Variants in ACOXL observed in about 807,000 individuals in gnomAD.
The protein encoded by ACOXL is acyl-coenzyme A oxidase-like protein.
A neutral mutation model predicts 71.9 loss-of-function variants in ACOXL; 70 were observed. The ratio of observed to expected loss-of-function variants is 0.97; its 90% CI spans 0.80 to 1.19. ACOXL has a LOEUF of 1.19. ACOXL is among the 50% of genes most tolerant of loss of function. ACOXL has a pLI of 0.00. For missense variants in ACOXL, 703 were observed against 736.3 expected, an observed-to-expected ratio of 0.95 and a Z score of 0.52; for synonymous variants, 253 against 281.6, an observed-to-expected ratio of 0.90 and a Z score of 1.02.
chr2:110,962,554 A>G (rs1391711146), intron 12 of ACOXL, among the ~76,000 whole-genome samples: 1 of 152,202 alleles, frequency 6.6e-6, no homozygotes, highest in Non-Finnish European at 1.5e-5. Flanking sequence ...GGTTCTCCCC[A>G]CAGGAGCAGG....
chr2:110,860,241 G>C (rs1388396519), intron 10 of ACOXL, among the ~76,000 whole-genome samples: 1 of 152,122 alleles, frequency 6.6e-6, no homozygotes, highest in Admixed American at 6.5e-5. Context: ...CTCCCAAGTA[G>C]CTGGGACTAC....
intron 9 of ACOXL, among the ~76,000 whole-genome samples, chr2:110,817,605 A>G (rs62162653): frequency 9.2e-5 from 14 of 152,094 alleles, no homozygotes; most frequent in Non-Finnish European, 8.8e-5. Context: ...CAAGGATTTG[A>G]GCTGTCTCTA....
chr2:110,787,036 C>G (rs1007971034), intron 3 of ACOXL, among the ~76,000 whole-genome samples: 1 of 148,976 alleles, frequency 6.7e-6, no homozygotes. Flanking sequence ...GGATAAACAT[C>G]AAGATAACCT....
chr2:110,866,517 G>A (rs1213595254), intron 10 of ACOXL, among the ~76,000 whole-genome samples: 1 of 152,106 alleles, frequency 6.6e-6, no homozygotes, highest in Non-Finnish European at 1.5e-5. Context: ...ATCAATATTT[G>A]AATCAGGAAG....
intron 12 of ACOXL, among the ~76,000 whole-genome samples, chr2:110,960,077 CT>C (rs1286110418): frequency 3.3e-5 from 5 of 152,228 alleles, no homozygotes; most frequent in Non-Finnish European, 7.4e-5. Flanking sequence ...GTAGGGACAC[CT>C]TTCTTGCAGT....
chr2:111,033,289 A>G (rs2065358498), intron 15 of ACOXL, among the ~76,000 whole-genome samples: 1 of 152,168 alleles, frequency 6.6e-6, no homozygotes, highest in African/African-American at 2.4e-5. Context: ...TGTATTGCCC[A>G]CCCACAGTGT....
intron 10 of ACOXL, among the ~76,000 whole-genome samples, chr2:110,880,083 T>G (rs1573964136): frequency 6.8e-6 from 1 of 147,360 alleles, no homozygotes; most frequent in Non-Finnish European, 1.5e-5. Flanking sequence ...GAGGTGGAGG[T>G]TGCAGTGACC....
intron 2 of ACOXL, among the ~76,000 whole-genome samples, chr2:110,770,786 C>T (rs1681807389): frequency 6.6e-6 from 1 of 152,216 alleles, no homozygotes; most frequent in Non-Finnish European, 1.5e-5. Flanking sequence ...GGCCTGTGGC[C>T]AGCTTCTTGC....
chr2:110,967,387 G>A (rs956722754), intron 12 of ACOXL, among the ~76,000 whole-genome samples: 4 of 152,120 alleles, frequency 2.6e-5, no homozygotes, highest in South Asian at 2.1e-4. Flanking sequence ...CAGATCAGTG[G>A]AGCAATAACA....
Position 110,787,533 on chromosome 2 carries a change from CAAAAAAAAAAAAAAA to C in ACOXL, c.159+2723_159+2737del, listed in dbSNP as rs1175271772. Among the ~76,000 whole-genome samples, 10 of 53,628 alleles carry C rather than the reference CAAAAAAAAAAAAAAA, an allele frequency of 1.9e-4. No individual in the cohort carries two copies. In the South Asian group the frequency reaches 6.4e-3, roughly 34 times the overall value. The allele number at this position is 53,628 out of a possible 152,430, so 35.2% of individuals were successfully genotyped here. ...TGGGTGACAGAGCAAGACTCCGTCT[CAAAAAAAAAAAAAAA>C]AAAAGAAAAAGAAAAAAAAGAAATA... is the stretch of plus-strand genomic sequence containing the variant. On this transcript the variant is annotated intron_variant, in intron 3 of 17. Transcript: ENST00000439055.
At chr2:110,868,471 A>G (rs1257902358) in intron 10 of ACOXL, among the ~76,000 whole-genome samples, 4 of 152,218 alleles carry the variant, frequency 2.6e-5, no homozygotes, top group African/African-American at 9.6e-5. Flanking sequence ...GCTCTTCTCT[A>G]TCGACCCACG....
chr2:110,943,532 G>C (rs1028201528), intron 12 of ACOXL, among the ~76,000 whole-genome samples: 2 of 152,176 alleles, frequency 1.3e-5, no homozygotes, highest in South Asian at 2.1e-4. Context: ...TCCCCAAGCA[G>C]GGTAAGTTCA....
At chr2:111,101,656 GAA>G (rs528603046) in intron 17 of ACOXL, among the ~76,000 whole-genome samples, 7 of 138,778 alleles carry the variant, frequency 5.0e-5, no homozygotes, top group African/African-American at 1.6e-4. Flanking sequence ...GAATTTGAGG[GAA>G]AAAAAAAAAA....
chr2:110,812,782 C>T (rs568567622), intron 9 of ACOXL, among the ~76,000 whole-genome samples: 36 of 152,330 alleles, frequency 2.4e-4, no homozygotes, highest in Admixed American at 3.9e-4. Flanking sequence ...TCCACGAAGA[C>T]GTGTTGTACG....
intron 11 of ACOXL, among the ~76,000 whole-genome samples, chr2:110,918,499 G>C (rs574789306): frequency 2.0e-5 from 3 of 152,006 alleles, no homozygotes; most frequent in Non-Finnish European, 4.4e-5. Context: ...ACAGGCAAAG[G>C]CTTCATGACT....
intron 12 of ACOXL, chr2:110,968,032 G>A: frequency 1.9e-6 from 2 of 1,079,214 alleles, no homozygotes; most frequent in Non-Finnish European, 2.8e-6. Flanking sequence ...GATTGCTTAT[G>A]CCCGTATAGA....
At chr2:110,773,452 A>T (rs1263859218) in intron 2 of ACOXL, among the ~76,000 whole-genome samples, 1 of 152,178 alleles carries the variant, frequency 6.6e-6, no homozygotes, top group Non-Finnish European at 1.5e-5. Context: ...AGAGGCTGAG[A>T]TGTCTGTCCT....
chr2:110,972,841 G>A (rs1299871897), intron 12 of ACOXL, among the ~76,000 whole-genome samples: 1 of 152,202 alleles, frequency 6.6e-6, no homozygotes, highest in Non-Finnish European at 1.5e-5. Flanking sequence ...GGGAAGCTCA[G>A]CAGAGACTCC....
chr2:110,959,047 T>C (rs1354207075), intron 12 of ACOXL, among the ~76,000 whole-genome samples: 2 of 152,328 alleles, frequency 1.3e-5, no homozygotes, highest in African/African-American at 2.4e-5. Context: ...TACCTCTGAA[T>C]GAAACACAGG....
Sources: allele counts gnomAD v4.1 joint callset (sites outside exome capture counted in the v4.1 genomes callset), GRCh38; gene constraint gnomAD v4.1.1; transcripts MANE v1.5; gene names NCBI Gene and HGNC (gene_info 2026-07-23, HGNC 2026-07-21).